FMNL2: variants seen among roughly 807,000 people sequenced by gnomAD.
FMNL2 encodes formin-like protein 2.
A neutral mutation model predicts 130.2 loss-of-function variants in FMNL2; 51 were observed. That is an observed-to-expected ratio of 0.39 (90% CI 0.31 to 0.49). FMNL2 has a LOEUF of 0.49. Ranked by LOEUF, FMNL2 falls within the 20% of genes least tolerant of loss-of-function variation. The probability of loss-of-function intolerance (pLI) is 0.85; values close to 1 mark genes in which losing one functional copy is unlikely to be tolerated. For missense variants in FMNL2, 977 were observed against 1,316.2 expected, an observed-to-expected ratio of 0.74 and a Z score of 3.99; for synonymous variants, 465 against 467.1, an observed-to-expected ratio of 1.00 and a Z score of 0.06.
Position 152,509,737 on chromosome 2 carries a change from CTTTTTTTTT to C in FMNL2, c.118-12188_118-12180del, listed in dbSNP as rs138976882. Among the ~76,000 whole-genome samples the C allele has an allele frequency of 3.2e-4, 19 of 58,684 alleles. 1 individual carries two copies. Among genetic ancestry groups the C allele is most frequent in the South Asian group, 9.3e-4 (1 of 1,076 alleles). 38.5% of individuals were successfully genotyped at this position (58,684 alleles called of 152,430 possible). ...GAGAAGGTATATCTGTACTCTGGACCTTTTTTTTTTTTTTTTTTTTTTTTTTGAGAGAGG... is the reference window on the plus strand; with the variant it reads ...GAGAAGGTATATCTGTACTCTGGACCTTTTTTTTTTTTTTTTTGAGAGAGG... On this transcript the variant is annotated intron_variant, in intron 1 of 25. Transcript: ENST00000288670.
chr2:152,522,078 C>A, intron 2 of FMNL2, 52 bp downstream of exon 2: 1 of 1,447,394 alleles, frequency 6.9e-7, no homozygotes, highest in Non-Finnish European at 9.6e-7. Flanking sequence ...AAGAAGAGAT[C>A]CAGTGTGAAT....
intron 1 of FMNL2, among the ~76,000 whole-genome samples, chr2:152,479,716 TTG>T (rs1232347130): frequency 2.6e-4 from 28 of 106,716 alleles, no homozygotes; most frequent in Middle Eastern, 6.7e-3. Flanking sequence ...ATGTTGTGGG[TTG>T]TTTTTTTTTT....
chr2:152,394,414 C>T (rs1685283814), intron 1 of FMNL2, among the ~76,000 whole-genome samples: 1 of 151,880 alleles, frequency 6.6e-6, no homozygotes, highest in African/African-American at 2.4e-5. Flanking sequence ...CTTTGGGTAC[C>T]TTTGATTCTA....
intron 1 of FMNL2, among the ~76,000 whole-genome samples, chr2:152,338,426 T>G (rs949640296): frequency 1.3e-5 from 2 of 152,126 alleles, no homozygotes; most frequent in African/African-American, 4.8e-5. Context: ...ATGACAAAAG[T>G]CCATTTTATT....
chr2:152,415,461 A>C (rs1255156822), intron 1 of FMNL2, among the ~76,000 whole-genome samples: 1 of 152,146 alleles, frequency 6.6e-6, no homozygotes, highest in Non-Finnish European at 1.5e-5. Flanking sequence ...TGTTTCCTAA[A>C]GCTGTTTTTG....
intron 1 of FMNL2, among the ~76,000 whole-genome samples, chr2:152,364,561 C>G (rs572149576): frequency 6.6e-6 from 1 of 152,138 alleles, no homozygotes; most frequent in Non-Finnish European, 1.5e-5. Flanking sequence ...GGCAGAATTT[C>G]TGAAGCGATT....
At chr2:152,493,437 G>A (rs774665515) in intron 1 of FMNL2, among the ~76,000 whole-genome samples, 3 of 152,214 alleles carry the variant, frequency 2.0e-5, no homozygotes, top group African/African-American at 7.2e-5. Flanking sequence ...CTGTTAATAT[G>A]AGCGGTGTTG....
At chr2:152,452,929 C>T (rs959839830) in intron 1 of FMNL2, among the ~76,000 whole-genome samples, 2 of 152,068 alleles carry the variant, frequency 1.3e-5, no homozygotes, top group Non-Finnish European at 2.9e-5. Context: ...AATGGCCGGG[C>T]GCGGTGGCTT....
chr2:152,358,437 G>T (rs1682967979), intron 1 of FMNL2, among the ~76,000 whole-genome samples: 1 of 151,964 alleles, frequency 6.6e-6, no homozygotes, highest in Non-Finnish European at 1.5e-5. Flanking sequence ...ATCACCTGAG[G>T]TCAGGAGTTT....
At chr2:152,629,799 G>T (rs1190715932) in intron 19 of FMNL2, 26 bp from the exon 20 acceptor site, 1 of 1,610,196 alleles carries the variant, frequency 6.2e-7, no homozygotes, top group Non-Finnish European at 8.5e-7. Flanking sequence ...GTACTGATGG[G>T]CTTCTGTTTT....
chr2:152,608,458 A>G (rs1355226433), intron 10 of FMNL2, among the ~76,000 whole-genome samples: 1 of 149,466 alleles, frequency 6.7e-6, no homozygotes, highest in Non-Finnish European at 1.5e-5. Flanking sequence ...AGAAAGATGA[A>G]ATCCTTTATA....
In FMNL2 at chr2:152,401,559, A is replaced by G. The variant is rs900401575; in HGVS notation, c.117+65839A>G. Reference sequence around the variant, plus strand: ...GAGGCAAAAAGCTTTAATCTGTGCAAAATATCAAAGAATAAGTTCATGACC... The same window carrying G: ...GAGGCAAAAAGCTTTAATCTGTGCAGAATATCAAAGAATAAGTTCATGACC... On this transcript the variant is annotated intron_variant, in intron 1 of 25. Coordinates refer to ENST00000288670, the MANE Select transcript of FMNL2 (RefSeq NM_052905.4). Among the ~76,000 whole-genome samples, 7 of 152,216 alleles carry G rather than the reference A, an allele frequency of 4.6e-5. No individual in the cohort carries two copies. In the South Asian group the frequency reaches 8.3e-4, roughly 18 times the overall value.
At chr2:152,364,997 G>A (rs57720755) in intron 1 of FMNL2, among the ~76,000 whole-genome samples, 13,413 of 152,282 alleles carry the variant, frequency 0.088, 668 homozygotes, top group African/African-American at 0.14. Context: ...TTGCACACCT[G>A]TGTGCCCAGC....
intron 1 of FMNL2, among the ~76,000 whole-genome samples, chr2:152,423,072 A>G (rs1687004379): frequency 1.3e-5 from 2 of 152,212 alleles, no homozygotes; most frequent in Admixed American, 6.5e-5. Flanking sequence ...TAGTAGGCAT[A>G]TATATTTATG....
At chr2:152,613,974 C>T (rs1380057556) in intron 11 of FMNL2, among the ~76,000 whole-genome samples, 1 of 152,160 alleles carries the variant, frequency 6.6e-6, no homozygotes, top group African/African-American at 2.4e-5. Context: ...TTGGGGAGCC[C>T]TGAGCTGTTC....
chr2:152,568,229 T>TTTTTGTTTTTG (rs1695970993), intron 6 of FMNL2, among the ~76,000 whole-genome samples: 1 of 146,916 alleles, frequency 6.8e-6, no homozygotes, highest in African/African-American at 2.5e-5. Context: ...TTTTTTTTTT[T>TTTTTGTTTTTG]TTTTGAGACG....
chr2:152,443,957 C>T (rs913218186), intron 1 of FMNL2, among the ~76,000 whole-genome samples: 9 of 152,130 alleles, frequency 5.9e-5, no homozygotes, highest in African/African-American at 1.9e-4. Flanking sequence ...CATGGAAGTC[C>T]GTCGTGCATT....
At chr2:152,500,522 C>T (rs150782261) in intron 1 of FMNL2, among the ~76,000 whole-genome samples, 268 of 152,290 alleles carry the variant, frequency 1.8e-3, no homozygotes, top group South Asian at 3.7e-3. Context: ...ATCCCCTACC[C>T]TCTACCATAT....
At chr2:152,609,779 A>G (rs1327466282) in intron 10 of FMNL2, among the ~76,000 whole-genome samples, 1 of 152,204 alleles carries the variant, frequency 6.6e-6, no homozygotes, top group Non-Finnish European at 1.5e-5. Context: ...TAAAAGATAA[A>G]GGAAATTAGG....
Sources: gnomAD v4.1 joint callset for allele counts (sites outside exome capture counted in the v4.1 genomes callset) on GRCh38, gnomAD v4.1.1 for gene constraint, MANE v1.5 for transcripts, NCBI Gene and HGNC (gene_info 2026-07-23, HGNC 2026-07-21) for gene names.